The following PTGER3 variants were observed in gnomAD, a reference collection of about 807,000 sequenced individuals.
PTGER3 encodes the protein prostaglandin E receptor 3.
PTGER3 carries 22 observed loss-of-function variants against 34.7 expected under a neutral mutation model. The ratio of observed to expected loss-of-function variants is 0.63; its 90% CI spans 0.45 to 0.91. PTGER3 has a LOEUF of 0.91. Among genes scored for constraint, PTGER3 ranks in the 40% least tolerant of loss-of-function variants. PTGER3 has a pLI of 0.00. For missense variants in PTGER3, 468 were observed against 519.4 expected, an observed-to-expected ratio of 0.90 and a Z score of 0.96; for synonymous variants, 241 against 230.1, an observed-to-expected ratio of 1.05 and a Z score of -0.43.
intron 1 of PTGER3, among the ~76,000 whole-genome samples, chr1:71,039,510 T>C (rs192958567): frequency 1.5e-3 from 230 of 150,802 alleles, no homozygotes; most frequent in East Asian, 4.5e-3. Context: ...ATTAGCCGGG[T>C]GTGGTGGTGG....
intron 4 of PTGER3, among the ~76,000 whole-genome samples, chr1:70,859,816 CAAGA>C (rs1645888151): frequency 6.6e-6 from 1 of 152,114 alleles, no homozygotes; most frequent in African/African-American, 2.4e-5. Context: ...AGGAAGTTGA[CAAGA>C]AAGATGTTTC....
At chr1:70,853,203 G>T (rs1645720817) in intron 4 of PTGER3, among the ~76,000 whole-genome samples, 1 of 152,188 alleles carries the variant, frequency 6.6e-6, no homozygotes, top group Non-Finnish European at 1.5e-5. Flanking sequence ...TCTTCCATTT[G>T]CAGATAAGAT....
intron 1 of PTGER3, among the ~76,000 whole-genome samples, chr1:71,043,961 C>T (rs185717948): frequency 2.6e-5 from 4 of 151,486 alleles, no homozygotes; most frequent in Non-Finnish European, 4.4e-5. Flanking sequence ...AGATTACAGG[C>T]GCATGCCACC....
At chr1:71,005,819 T>G in intron 2 of PTGER3, 2 of 948,316 alleles carry the variant, frequency 2.1e-6, no homozygotes, top group Non-Finnish European at 2.5e-6. Context: ...ACCAGCATGA[T>G]GGTGGAAATT....
chr1:71,047,752 G>A lies in PTGER3; in HGVS notation c.-175C>T, dbSNP rs1345833617. Reference sequence around the variant, plus strand: ...CTGCTGGGACCGCGGCCGCGGCGGCGCCAGGGCTCACTGGCCCGGGAGGGA... The same window carrying A: ...CTGCTGGGACCGCGGCCGCGGCGGCACCAGGGCTCACTGGCCCGGGAGGGA... On this transcript the variant is annotated 5_prime_UTR_variant, in exon 1 of 4. Coordinates refer to ENST00000306666, the MANE Select transcript of PTGER3 (RefSeq NM_198719.2). 3 of 593,292 alleles carry A rather than the reference G, an allele frequency of 5.1e-6. No homozygotes were observed. Among genetic ancestry groups the A allele is most frequent in the Admixed American group, 4.6e-5 (1 of 21,750 alleles). The allele number at this position is 593,292 out of a possible 1,614,324, so 36.8% of individuals were successfully genotyped here.
At chr1:70,938,103 G>A (rs7516479) in intron 4 of PTGER3, among the ~76,000 whole-genome samples, 3 of 151,950 alleles carry the variant, frequency 2.0e-5, no homozygotes, top group African/African-American at 7.3e-5. Context: ...TGTGTGTTTT[G>A]GTGGGGGGTG....
intron 1 of PTGER3, among the ~76,000 whole-genome samples, chr1:71,020,701 T>A (rs962788249): frequency 1.4e-4 from 20 of 147,190 alleles, no homozygotes; most frequent in Middle Eastern, 7.1e-3. Flanking sequence ...TAGCAGAGTG[T>A]GTGTGTGTGT....
chr1:70,918,789 T>G (rs1316965816), intron 4 of PTGER3, among the ~76,000 whole-genome samples: 4 of 152,080 alleles, frequency 2.6e-5, no homozygotes. Context: ...CAATTTGTGA[T>G]GTACTTCTAT....
Position 70,889,209 on chromosome 1 carries a change from A to G in PTGER3, c.*24-36350T>C, listed in dbSNP as rs1646561219. Among the ~76,000 whole-genome samples, 3 of 151,870 alleles carry G rather than the reference A, an allele frequency of 2.0e-5. No individual in the cohort carries two copies. In the South Asian group the frequency reaches 6.2e-4, roughly 32 times the overall value. ...GGTGGGTGGATCACGAGTTCAGGAG[A>G]TCAAGACCATCCTGGCTAACACGGT... On this transcript the variant is annotated intron_variant, in intron 4 of 4. Transcript: ENST00000370931.
intron 4 of PTGER3, among the ~76,000 whole-genome samples, chr1:70,891,589 C>G (rs1646619034): frequency 1.3e-5 from 2 of 152,130 alleles, no homozygotes; most frequent in Non-Finnish European, 2.9e-5. Context: ...TTACTGCTGC[C>G]CCAAGGGTAT....
chr1:71,010,639 C>A lies in PTGER3; in HGVS notation c.1077+1666G>T, dbSNP rs565123526. ...AAAAGTAGGTAGTTTTGTCTTATAC[C>A]CAATGAGATGACCTACAGGATAATC... is the stretch of plus-strand genomic sequence containing the variant. On this transcript the variant is annotated intron_variant, in intron 2 of 3. Transcript: ENST00000306666. 9.1e-6 allele frequency: 9 copies of A among 984,098 alleles called. No individual in the cohort carries two copies. The South Asian group carries it at 3.8e-4, about 41-fold the overall frequency. 61.0% of individuals were successfully genotyped at this position (984,098 alleles called of 1,614,324 possible).
chr1:71,006,964 C>A (rs923195626), intron 2 of PTGER3: 5 of 985,534 alleles, frequency 5.1e-6, no homozygotes, highest in Non-Finnish European at 6.0e-6. Context: ...AAAAGTCTAA[C>A]GTACTTTTCA....
intron 1 of PTGER3, among the ~76,000 whole-genome samples, chr1:71,037,322 TA>T (rs1457799256): frequency 6.6e-6 from 1 of 152,196 alleles, no homozygotes; most frequent in Non-Finnish European, 1.5e-5. Context: ...GGCTACCACG[TA>T]GAGCTGCACA....
chr1:70,974,412 CA>C, intron 2 of PTGER3, 24 bp from the exon 3 acceptor site: 1 of 855,032 alleles, frequency 1.2e-6, no homozygotes, highest in Non-Finnish European at 2.0e-6. Flanking sequence ...GAGGATTTCA[CA>C]GGACACTTCC....
chr1:70,950,203 G>A (rs1572733661), downstream of PTGER3, among the ~76,000 whole-genome samples: 6 of 152,260 alleles, frequency 3.9e-5, 1 homozygote, highest in Admixed American at 3.9e-4. Flanking sequence ...CATATGGAGG[G>A]ATTAACCAAC....
chr1:70,852,824 G>T (rs1461302689), exon 5 of PTGER3: 1 of 1,613,062 alleles, frequency 6.2e-7, no homozygotes, highest in South Asian at 1.1e-5. Context: ...TGTGATCCTG[G>T]CAGAAAGGCA....
At chr1:70,871,706 C>G (rs1346747345) in intron 4 of PTGER3, among the ~76,000 whole-genome samples, 2 of 152,090 alleles carry the variant, frequency 1.3e-5, no homozygotes, top group Admixed American at 6.5e-5. Context: ...AATGTGAATG[C>G]AAACCTTATT....
chr1:70,858,612 G>T (rs1007639327), intron 4 of PTGER3, among the ~76,000 whole-genome samples: 2 of 152,104 alleles, frequency 1.3e-5, no homozygotes, highest in Non-Finnish European at 2.9e-5. Flanking sequence ...TTATCTTTCA[G>T]AAAATTGGGA....
chr1:70,882,276 T>C (rs888988138), intron 4 of PTGER3, among the ~76,000 whole-genome samples: 4 of 152,146 alleles, frequency 2.6e-5, no homozygotes, highest in African/African-American at 9.6e-5. Flanking sequence ...GACAACAGAA[T>C]GCTGCACTCT....
Sources: allele counts gnomAD v4.1 joint callset (sites outside exome capture counted in the v4.1 genomes callset), GRCh38; gene constraint gnomAD v4.1.1; transcripts MANE v1.5; gene names NCBI Gene and HGNC (gene_info 2026-07-23, HGNC 2026-07-21).